THEMIS: variants seen among roughly 807,000 people sequenced by gnomAD.
The protein encoded by THEMIS is thymocyte selection associated.
Under a neutral mutation model 52.6 loss-of-function variants are expected in THEMIS, and 37 were observed. The observed-to-expected ratio is 0.70, with a 90% confidence interval of 0.54 to 0.93. THEMIS has a LOEUF of 0.93. Among genes scored for constraint, THEMIS ranks in the 40% least tolerant of loss-of-function variants. THEMIS has a pLI of 0.00. For missense variants in THEMIS, 808 were observed against 763.1 expected, an observed-to-expected ratio of 1.06 and a Z score of -0.69; for synonymous variants, 292 against 272.7, an observed-to-expected ratio of 1.07 and a Z score of -0.70.
At chr6:127,894,901 T>C (rs1327920037) in intron 1 of THEMIS, among the ~76,000 whole-genome samples, 1 of 150,952 alleles carries the variant, frequency 6.6e-6, no homozygotes, top group Non-Finnish European at 1.5e-5. Flanking sequence ...TGATTAAATG[T>C]AAAAATCCTA....
chr6:127,756,214 G>T (rs1775820863), intron 4 of THEMIS, among the ~76,000 whole-genome samples: 1 of 152,092 alleles, frequency 6.6e-6, no homozygotes, highest in Non-Finnish European at 1.5e-5. Flanking sequence ...AAAAACGGTA[G>T]AACACAAACA....
chr6:127,857,382 A>T, intron 1 of THEMIS, among the ~76,000 whole-genome samples: 1 of 144,660 alleles, frequency 6.9e-6, no homozygotes. Flanking sequence ...TTGAAAAGGC[A>T]CTGAGATGTG....
intron 1 of THEMIS, among the ~76,000 whole-genome samples, chr6:127,870,163 C>G (rs1243090503): frequency 6.6e-6 from 1 of 152,208 alleles, no homozygotes; most frequent in East Asian, 1.9e-4. Flanking sequence ...AGAGGATCTA[C>G]TGAAAAATCA....
intron 2 of THEMIS, among the ~76,000 whole-genome samples, chr6:127,842,227 A>G (rs2114699014): frequency 6.6e-6 from 1 of 152,184 alleles, no homozygotes; most frequent in South Asian, 2.1e-4. Context: ...AATAAAGATG[A>G]AAGATTGATC....
At chr6:127,736,109 C>T (rs2114543463) in intron 4 of THEMIS, among the ~76,000 whole-genome samples, 1 of 152,184 alleles carries the variant, frequency 6.6e-6, no homozygotes, top group East Asian at 1.9e-4. Context: ...GGATGTTTGG[C>T]CCAGTTGTCT....
the THEMIS span, among the ~76,000 whole-genome samples, chr6:127,703,054 T>G: frequency 0.059 from 7,122 of 121,434 alleles, 205 homozygotes; most frequent in Non-Finnish European, 0.088. Flanking sequence ...TTTTTTTTTT[T>G]TTTTTTTTTT....
intron 4 of THEMIS, among the ~76,000 whole-genome samples, chr6:127,761,378 A>T (rs182534425): frequency 6.6e-4 from 101 of 152,292 alleles, no homozygotes; most frequent in Non-Finnish European, 1.3e-3. Context: ...CTAATCATCA[A>T]ATAAAGACCC....
chr6:127,778,598 C>G (rs996914984), intron 4 of THEMIS, among the ~76,000 whole-genome samples: 1 of 152,054 alleles, frequency 6.6e-6, no homozygotes, highest in Non-Finnish European at 1.5e-5. Context: ...ATTTGCCAGC[C>G]CATTTAAAGC....
chr6:127,895,537 T>C (rs1422473942), intron 1 of THEMIS, among the ~76,000 whole-genome samples: 2 of 151,562 alleles, frequency 1.3e-5, no homozygotes, highest in Non-Finnish European at 3.0e-5. Flanking sequence ...GCAATATATA[T>C]ATACACATGA....
intron 4 of THEMIS, among the ~76,000 whole-genome samples, chr6:127,777,158 A>C (rs1186241164): frequency 6.8e-6 from 1 of 147,088 alleles, no homozygotes; most frequent in African/African-American, 2.5e-5. Context: ...GTGGTTATTG[A>C]TGTGTTTGAG....
chr6:127,823,267 T>C (rs1426375639), intron 3 of THEMIS, among the ~76,000 whole-genome samples: 1 of 152,160 alleles, frequency 6.6e-6, no homozygotes, highest in Non-Finnish European at 1.5e-5. Flanking sequence ...GTTGTCGTAG[T>C]ATTTTCATGG....
intron 4 of THEMIS, among the ~76,000 whole-genome samples, chr6:127,743,618 G>C (rs1174121160): frequency 6.6e-6 from 1 of 152,086 alleles, no homozygotes; most frequent in Non-Finnish European, 1.5e-5. Flanking sequence ...TAGCTTTGCA[G>C]GCAGATGCTG....
At chr6:127,702,615 T>C in the THEMIS span, among the ~76,000 whole-genome samples, 16 of 126,262 alleles carry the variant, frequency 1.3e-4, no homozygotes, top group Admixed American at 8.9e-4. Flanking sequence ...GTGTCTAACC[T>C]GTTTTTTTTT....
intron 4 of THEMIS, among the ~76,000 whole-genome samples, chr6:127,739,442 T>C (rs191373648): frequency 6.6e-6 from 1 of 152,058 alleles, no homozygotes; most frequent in East Asian, 1.9e-4. Context: ...GGTCAGGAGA[T>C]TGAGACCATC....
chr6:127,762,096 C>T (rs1776041743), intron 4 of THEMIS, among the ~76,000 whole-genome samples: 1 of 151,996 alleles, frequency 6.6e-6, no homozygotes, highest in Non-Finnish European at 1.5e-5. Context: ...GGAAATTCTG[C>T]AGTATGTGAC....
At chr6:127,719,589 T>C in intron 5 of THEMIS, 99 bp downstream of exon 5, 2 of 1,143,116 alleles carry the variant, frequency 1.7e-6, no homozygotes. Flanking sequence ...CTGAGTCATA[T>C]ATTCCAAATA....
At chr6:127,906,006 T>A (rs1043554127), upstream of THEMIS, among the ~76,000 whole-genome samples, 2 of 145,908 alleles carry the variant, frequency 1.4e-5, no homozygotes, top group African/African-American at 5.5e-5. Flanking sequence ...AATTTAAATG[T>A]AATTTAAATT....
At chr6:127,891,555 AAGAAAG>A (rs1312508868) in intron 1 of THEMIS, among the ~76,000 whole-genome samples, 28 of 117,154 alleles carry the variant, frequency 2.4e-4, no homozygotes, top group Non-Finnish European at 4.2e-4. Context: ...AAAAAAAAAA[AAGAAAG>A]AAACAAAGAA....
intron 4 of THEMIS, among the ~76,000 whole-genome samples, chr6:127,765,062 A>C (rs148252787): frequency 2.1e-3 from 320 of 152,242 alleles, no homozygotes; most frequent in Non-Finnish European, 3.8e-3. Context: ...AAGAATTCTC[A>C]AAGTCAAGAA....
Sources: allele counts gnomAD v4.1 joint callset (sites outside exome capture counted in the v4.1 genomes callset), GRCh38; gene constraint gnomAD v4.1.1; transcripts MANE v1.5; gene names NCBI Gene and HGNC (gene_info 2026-07-23, HGNC 2026-07-21).